The following GRID2 variants were observed in gnomAD, a reference collection of about 807,000 sequenced individuals.
GRID2 encodes the protein glutamate receptor ionotropic, delta-2.
In GRID2, 33 loss-of-function variants were observed where a neutral mutation model predicts 114.8. The observed-to-expected ratio is 0.29, with a 90% CI of 0.22 to 0.38. The LOEUF (loss-of-function observed/expected upper bound fraction) is 0.38, where lower values mean the gene tolerates loss of function less well. GRID2 is among the 10% of genes least tolerant of loss of function. GRID2 has a pLI of 1.00. For missense variants in GRID2, 1,184 were observed against 1,257.7 expected, an observed-to-expected ratio of 0.94 and a Z score of 0.89; for synonymous variants, 505 against 449.9, an observed-to-expected ratio of 1.12 and a Z score of -1.55.
intron 2 of GRID2, among the ~76,000 whole-genome samples, chr4:92,962,367 C>T (rs1336682758): frequency 6.6e-6 from 1 of 151,754 alleles, no homozygotes; most frequent in Admixed American, 6.6e-5. Context: ...TTTTAGTGAG[C>T]CTGTGCCTCT....
At chr4:92,640,659 G>T (rs1207280499) in intron 2 of GRID2, among the ~76,000 whole-genome samples, 2 of 151,714 alleles carry the variant, frequency 1.3e-5, no homozygotes, top group Non-Finnish European at 2.9e-5. Context: ...GAAGAAGTAA[G>T]AATGAAACAC....
At chr4:93,709,267 G>A (rs1199336956) in intron 14 of GRID2, among the ~76,000 whole-genome samples, 1 of 152,066 alleles carries the variant, frequency 6.6e-6, no homozygotes, top group Non-Finnish European at 1.5e-5. Flanking sequence ...TCTCTTGTAG[G>A]ACAGGTCTGG....
Position 93,141,120 on chromosome 4 carries a change from A to G in GRID2, c.735+30167A>G, listed in dbSNP as rs191139243. Among the ~76,000 whole-genome samples, 380 of 152,272 alleles carry G rather than the reference A, an allele frequency of 2.5e-3. 1 individual carries two copies. The highest frequency in any genetic ancestry group is 3.6e-3 in the Non-Finnish European group (244 of 68,012). On this transcript the variant is annotated intron_variant, in intron 4 of 15. Transcript: ENST00000282020. ...AGTTTTGTTTTATATTCAGGTTACT[A>G]TATTGATATGTTTCTGTTATTTATT...
chr4:92,361,824 C>A (rs906922637), intron 1 of GRID2, among the ~76,000 whole-genome samples: 1 of 151,934 alleles, frequency 6.6e-6, no homozygotes, highest in Non-Finnish European at 1.5e-5. Flanking sequence ...AGAGAATTTG[C>A]AACAGTAATG....
intron 2 of GRID2, among the ~76,000 whole-genome samples, chr4:92,839,143 A>G (rs1434783): frequency 0.98 from 149,037 of 152,186 alleles, 73,002 homozygotes; most frequent in East Asian, 1. Context: ...TCCTTGAAGA[A>G]CTGCTCTTTG....
chr4:92,374,065 A>G (rs1729241430), intron 1 of GRID2, among the ~76,000 whole-genome samples: 1 of 151,910 alleles, frequency 6.6e-6, no homozygotes, highest in Non-Finnish European at 1.5e-5. Context: ...GTCTAAATGG[A>G]CCTCCTCCTC....
chr4:92,576,435 A>G (rs1488641469), intron 1 of GRID2, among the ~76,000 whole-genome samples: 1 of 152,184 alleles, frequency 6.6e-6, no homozygotes, highest in African/African-American at 2.4e-5. Context: ...ATTCCAAACC[A>G]GTGGGTCTTA....
At chr4:92,410,979 C>A (rs1579315212) in intron 1 of GRID2, among the ~76,000 whole-genome samples, 1 of 150,336 alleles carries the variant, frequency 6.7e-6, no homozygotes, top group East Asian at 2.0e-4. Context: ...CTGAAAAAAA[C>A]AAACAGCAAC....
intron 1 of GRID2, 133 bp from the exon 2 acceptor site, chr4:92,589,998 C>T (rs1728631470): frequency 1.6e-6 from 1 of 615,394 alleles, no homozygotes; most frequent in Non-Finnish European, 2.9e-6. Flanking sequence ...CAATGTGTTT[C>T]ATTAATAAAT....
At chr4:93,020,955 T>G (rs906599541) in intron 2 of GRID2, among the ~76,000 whole-genome samples, 1 of 151,254 alleles carries the variant, frequency 6.6e-6, no homozygotes, top group South Asian at 2.1e-4. Context: ...TCGCTTGCAC[T>G]GCAGGCAGAG....
chr4:93,514,735 T>G (rs1012744538), intron 12 of GRID2, among the ~76,000 whole-genome samples: 1 of 152,186 alleles, frequency 6.6e-6, no homozygotes, highest in African/African-American at 2.4e-5. Context: ...CTATCATAAC[T>G]ACTAATTTTT....
chr4:93,305,057 T>C (rs1294352679), intron 8 of GRID2, among the ~76,000 whole-genome samples: 1 of 152,154 alleles, frequency 6.6e-6, no homozygotes, highest in Admixed American at 6.5e-5. Context: ...TGCAAAAATG[T>C]TAGTAAAATA....
chr4:93,595,511 T>C (rs199569868), intron 13 of GRID2, among the ~76,000 whole-genome samples: 1 of 152,154 alleles, frequency 6.6e-6, no homozygotes, highest in African/African-American at 2.4e-5. Flanking sequence ...CATGAAGTTA[T>C]TGTAAAACTT....
chr4:93,637,189 G>T (rs1167594454), intron 14 of GRID2, among the ~76,000 whole-genome samples: 2 of 152,126 alleles, frequency 1.3e-5, no homozygotes, highest in African/African-American at 2.4e-5. Flanking sequence ...AAGAAACTAT[G>T]CTGTAGACTA....
intron 8 of GRID2, among the ~76,000 whole-genome samples, chr4:93,288,280 A>T (rs960236409): frequency 6.6e-6 from 1 of 152,210 alleles, no homozygotes; most frequent in South Asian, 2.1e-4. Context: ...TGATAGAAAT[A>T]TAAAAAAGTT....
intron 2 of GRID2, among the ~76,000 whole-genome samples, chr4:92,750,782 G>A (rs1423168635): frequency 6.6e-6 from 1 of 152,128 alleles, no homozygotes; most frequent in East Asian, 1.9e-4. Context: ...TTGCAGAAGA[G>A]CATGCTTCAT....
chr4:92,407,255 G>C (rs1731075083), intron 1 of GRID2, among the ~76,000 whole-genome samples: 1 of 152,216 alleles, frequency 6.6e-6, no homozygotes, highest in South Asian at 2.1e-4. Flanking sequence ...ATTTGGATGG[G>C]GAGACAGAGC....
In GRID2 at chr4:93,608,811, A is replaced by C. The variant is rs371520856; in HGVS notation, c.2194-17458A>C. 5.1e-5 allele frequency among the ~76,000 whole-genome samples: 7 copies of C among 136,060 alleles called. 1 individual carries two copies. Among genetic ancestry groups the C allele is most frequent in the Admixed American group, 1.4e-4 (2 of 13,834 alleles). 89.3% of individuals were successfully genotyped at this position (136,060 alleles called of 152,430 possible). On this transcript the variant is annotated intron_variant, in intron 13 of 15. Coordinates refer to ENST00000282020, the MANE Select transcript of GRID2 (RefSeq NM_001510.4). ...CTTTATAGCAGCATGATTTATAGTC[A>C]TTTGGGTATATACCCAGTAATGGGA... is the stretch of plus-strand genomic sequence containing the variant.
At chr4:92,847,305 G>A (rs1743400055) in intron 2 of GRID2, among the ~76,000 whole-genome samples, 1 of 151,990 alleles carries the variant, frequency 6.6e-6, no homozygotes, top group East Asian at 1.9e-4. Context: ...CAGCACTTCT[G>A]CTCCTGGCAT....
Sources: allele counts gnomAD v4.1 joint callset (sites outside exome capture counted in the v4.1 genomes callset), GRCh38; gene constraint gnomAD v4.1.1; transcripts MANE v1.5; gene names NCBI Gene and HGNC (gene_info 2026-07-23, HGNC 2026-07-21).